NCALD: variants seen among roughly 807,000 people sequenced by gnomAD.
NCALD encodes the protein neurocalcin-delta.
Under a neutral mutation model 18.6 loss-of-function variants are expected in NCALD, and 10 were observed. That is an observed-to-expected ratio of 0.54 (90% CI 0.33 to 0.91). The LOEUF (loss-of-function observed/expected upper bound fraction) is 0.91. Among genes scored for constraint, NCALD ranks in the 40% least tolerant of loss-of-function variants. The pLI is 0.03. For synonymous variants in NCALD, 88 were observed against 87.4 expected, an observed-to-expected ratio of 1.01 and a Z score of -0.04; for missense variants, 184 against 247.6, an observed-to-expected ratio of 0.74 and a Z score of 1.72.
chr8:102,019,114 G>A (rs1360741872), intron 2 of NCALD, among the ~76,000 whole-genome samples: 2 of 151,706 alleles, frequency 1.3e-5, no homozygotes, highest in Admixed American at 6.6e-5. Flanking sequence ...GACCTGAAGG[G>A]GCTTCTCACA....
intron 1 of NCALD, among the ~76,000 whole-genome samples, chr8:101,790,067 G>GT (rs1282135466): frequency 6.6e-6 from 1 of 152,016 alleles, no homozygotes; most frequent in Non-Finnish European, 1.5e-5. Flanking sequence ...TAGGGCTATT[G>GT]TTTTTTTCTT....
intron 2 of NCALD, among the ~76,000 whole-genome samples, chr8:101,946,779 C>T (rs914792411): frequency 2.3e-5 from 3 of 132,912 alleles, no homozygotes; most frequent in Admixed American, 8.8e-5. Flanking sequence ...GAAAACAAAG[C>T]CCTCAGTGGA....
intron 4 of NCALD, among the ~76,000 whole-genome samples, chr8:101,828,002 A>G (rs1358532246): frequency 1.3e-5 from 2 of 152,154 alleles, no homozygotes; most frequent in Non-Finnish European, 2.9e-5. Context: ...TAGGTGGAGG[A>G]TATAAAAAGT....
chr8:101,784,377 G>T lies in NCALD; in HGVS notation c.-20+6485C>A, dbSNP rs185292287. On this transcript the variant is annotated intron_variant, in intron 1 of 3. Transcript: ENST00000220931. ...GAGAAAAAAATTGTATTCTTTTTAT[G>T]ATCTATCCTTGGAAGTCACCTAGCA... Among the ~76,000 whole-genome samples, 16 of 152,246 alleles carry T rather than the reference G, an allele frequency of 1.1e-4. No homozygotes were observed. The East Asian group carries it at 1.2e-3, about 11-fold the overall frequency.
At chr8:101,799,747 A>T (rs1367289642) in intron 4 of NCALD, among the ~76,000 whole-genome samples, 3 of 152,352 alleles carry the variant, frequency 2.0e-5, no homozygotes, top group African/African-American at 7.2e-5. Context: ...AAAATAGATG[A>T]GTAGTTGCAA....
At chr8:101,804,672 A>C (rs1176526247) in intron 4 of NCALD, among the ~76,000 whole-genome samples, 1 of 96,374 alleles carries the variant, frequency 1.0e-5, no homozygotes, top group African/African-American at 3.6e-5. Flanking sequence ...TTATCATATA[A>C]TATAATTAAT....
chr8:102,026,006 A>C (rs540401516), intron 1 of NCALD, among the ~76,000 whole-genome samples: 4 of 152,202 alleles, frequency 2.6e-5, no homozygotes, highest in African/African-American at 9.7e-5. Context: ...AAAAGCAGGG[A>C]AAGTCCCTTA....
At position 101,799,719 on chromosome 8, in the gene NCALD, A is replaced by G. The variant is rs112596782; in HGVS notation, c.-19-80071T>C. On this transcript the variant is annotated intron_variant, in intron 4 of 6. Coordinates refer to the NCALD transcript ENST00000311028. ...CCACTTCCGTAACATTCTTGAAATG[A>G]CAAAATTATCGAAATAAAAAATAGA... is the stretch of plus-strand genomic sequence containing the variant. Among the ~76,000 whole-genome samples the G allele has an allele frequency of 7.2e-3, 1,101 of 152,318 alleles. 13 individuals carry two copies. The highest frequency in any genetic ancestry group is 0.024 in the African/African-American group (986 of 41,566).
intron 4 of NCALD, among the ~76,000 whole-genome samples, chr8:101,803,561 T>C (rs994260993): frequency 1.3e-5 from 2 of 152,216 alleles, no homozygotes; most frequent in Non-Finnish European, 2.9e-5. Context: ...GTGATTCCTC[T>C]GATGGATCTG....
chr8:102,048,156 C>T (rs1823313675), intron 1 of NCALD, among the ~76,000 whole-genome samples: 1 of 152,150 alleles, frequency 6.6e-6, no homozygotes, highest in Non-Finnish European at 1.5e-5. Context: ...AAGTTATACA[C>T]AGAATCTGTT....
chr8:102,076,444 T>C lies in NCALD; in HGVS notation c.-210+47793A>G, dbSNP rs142391727. Among the ~76,000 whole-genome samples, 770 of 152,304 alleles carry C rather than the reference T, an allele frequency of 5.1e-3. 2 individuals carry two copies. Among genetic ancestry groups the C allele is most frequent in the Non-Finnish European group, 8.2e-3 (557 of 68,014 alleles). ...CTCCCTAAAAATAAAGCCAAGAGGT[T>C]GGGAACATAGAAATGGAATAAGATT... On this transcript the variant is annotated intron_variant, in intron 1 of 6. Transcript: ENST00000311028.
In NCALD at chr8:101,776,725, T is replaced by A. The variant is rs143459780; in HGVS notation, c.-20+14137A>T. ...TGAAGTGAGGACTTAGTACAAGTAA[T>A]GCTACTTAATACAAGTATAAGCAGA... is the stretch of plus-strand genomic sequence containing the variant. On this transcript the variant is annotated intron_variant, in intron 1 of 3. Transcript: ENST00000220931. Among the ~76,000 whole-genome samples, 57 of 152,290 alleles carry A rather than the reference T, an allele frequency of 3.7e-4. No individual in the cohort carries two copies. The East Asian group carries it at 9.1e-3, about 24-fold the overall frequency.
At chr8:101,842,432 A>C (rs566834115) in intron 4 of NCALD, among the ~76,000 whole-genome samples, 3 of 152,382 alleles carry the variant, frequency 2.0e-5, no homozygotes, top group Admixed American at 6.5e-5. Context: ...TTAACAGTTC[A>C]TTAAAATAGA....
intron 1 of NCALD, among the ~76,000 whole-genome samples, chr8:101,747,937 C>T (rs1224677452): frequency 1.3e-5 from 2 of 152,050 alleles, no homozygotes; most frequent in Admixed American, 6.6e-5. Flanking sequence ...AGGCTGGTCT[C>T]GAACTCCTGA....
intron 2 of NCALD, among the ~76,000 whole-genome samples, chr8:101,705,442 C>T (rs962624433): frequency 4.6e-5 from 7 of 151,904 alleles, no homozygotes; most frequent in Admixed American, 3.3e-4. Context: ...TTGTGAAGAT[C>T]GTATTTTCCA....
chr8:101,927,277 TC>T (rs1297463898), intron 2 of NCALD, among the ~76,000 whole-genome samples: 1 of 152,146 alleles, frequency 6.6e-6, no homozygotes, highest in Non-Finnish European at 1.5e-5. Context: ...ACCAGGAGTG[TC>T]CCACCAACAG....
At chr8:101,989,978 C>A (rs1820979297) in intron 2 of NCALD, among the ~76,000 whole-genome samples, 1 of 152,194 alleles carries the variant, frequency 6.6e-6, no homozygotes, top group African/African-American at 2.4e-5. Flanking sequence ...AAAGTCCCAG[C>A]ATGCCTGGGT....
At chr8:101,818,301 T>C (rs757267686) in intron 4 of NCALD, among the ~76,000 whole-genome samples, 1 of 152,206 alleles carries the variant, frequency 6.6e-6, no homozygotes, top group Non-Finnish European at 1.5e-5. Flanking sequence ...TTGGTTTGTT[T>C]TGCAATTGGC....
At chr8:101,840,116 TA>T (rs61620684) in intron 4 of NCALD, among the ~76,000 whole-genome samples, 10,188 of 128,936 alleles carry the variant, frequency 0.079, 751 homozygotes, top group African/African-American at 0.22. Flanking sequence ...AGCAACAAAA[TA>T]AAAAAAAAAA....
Sources: gnomAD v4.1 joint callset for allele counts (sites outside exome capture counted in the v4.1 genomes callset) on GRCh38, gnomAD v4.1.1 for gene constraint, MANE v1.5 for transcripts, NCBI Gene and HGNC (gene_info 2026-07-23, HGNC 2026-07-21) for gene names.